The following WDR44 variants were observed in gnomAD, a reference collection of about 807,000 sequenced individuals.
The protein encoded by WDR44 is WD repeat-containing protein 44.
Under a neutral mutation model 65.7 loss-of-function variants are expected in WDR44, and 9 were observed. The observed-to-expected ratio is 0.14, with a 90% CI of 0.08 to 0.24. The LOEUF is 0.24. WDR44 is among the 10% of genes least tolerant of loss of function. The probability of loss-of-function intolerance (pLI) is 1.00; values close to 1 mark genes in which losing one functional copy is unlikely to be tolerated. For synonymous variants in WDR44, 220 were observed against 235.2 expected (o/e 0.94, Z 0.59); for missense variants, 425 against 670.9 (o/e 0.63, Z 4.05).
At chrX:118,378,484 A>G in intron 2 of WDR44, 32 bp downstream of exon 2, 2 of 1,168,111 alleles carry the variant, frequency 1.7e-6, no homozygotes, top group Non-Finnish European at 2.3e-6. Flanking sequence ...TTATGTTTTT[A>G]GAAATTGTAT....
chrX:118,354,756 C>T (rs1212932222), intron 1 of WDR44, among the ~76,000 whole-genome samples: 5 of 111,955 alleles, frequency 4.5e-5, no homozygotes, highest in Non-Finnish European at 9.4e-5. Context: ...CTATCTATAT[C>T]TGTATAAAAC....
At chrX:118,373,542 A>G (rs774574375) in intron 1 of WDR44, among the ~76,000 whole-genome samples, 5 of 112,233 alleles carry the variant, frequency 4.5e-5, no homozygotes, top group African/African-American at 6.5e-5. Flanking sequence ...GCAGGTCAGG[A>G]TTCAGAGCCT....
intron 1 of WDR44, among the ~76,000 whole-genome samples, chrX:118,354,270 T>C (rs2056439603): frequency 9.1e-6 from 1 of 109,752 alleles, no homozygotes; most frequent in South Asian, 3.9e-4. Context: ...TTTTAAAAAT[T>C]AGTTGGACAT....
chrX:118,416,865 G>A (rs2057061765), intron 12 of WDR44, among the ~76,000 whole-genome samples: 1 of 111,343 alleles, frequency 9.0e-6, no homozygotes, highest in Non-Finnish European at 1.9e-5. Context: ...AAATTTGGGA[G>A]CTCCAGTCTT....
At chrX:118,442,033 C>T (rs1184861683) in intron 15 of WDR44, among the ~76,000 whole-genome samples, 3 of 112,027 alleles carry the variant, frequency 2.7e-5, no homozygotes, top group Non-Finnish European at 3.8e-5. Context: ...TGAGCCACCA[C>T]GCCCAAGCAA....
chrX:118,448,258 C>T (rs920365016), intron 19 of WDR44, among the ~76,000 whole-genome samples: 13 of 111,462 alleles, frequency 1.2e-4, no homozygotes, highest in African/African-American at 4.2e-4. Context: ...TCAGTTTTCA[C>T]CTATGTATAA....
intron 14 of WDR44, among the ~76,000 whole-genome samples, chrX:118,438,291 T>G (rs775440203): frequency 8.9e-6 from 1 of 112,292 alleles, no homozygotes; most frequent in African/African-American, 3.2e-5. Flanking sequence ...AACAAAAGGA[T>G]GGATTTACCC....
chrX:118,346,765 T>TCAGC (rs1414319391), intron 1 of WDR44, among the ~76,000 whole-genome samples, 185 bp downstream of exon 1: 2 of 109,002 alleles, frequency 1.8e-5, no homozygotes, highest in Admixed American at 1.9e-4. Context: ...GAAGGGGGAG[T>TCAGC]CAGCCACCTC....
chrX:118,413,524 T>A (rs981062999), intron 12 of WDR44, among the ~76,000 whole-genome samples: 2 of 111,949 alleles, frequency 1.8e-5, no homozygotes, highest in Admixed American at 9.5e-5. Context: ...GCCCACTTTT[T>A]GATGGACTGT....
chrX:118,352,002 G>C (rs188399621), intron 1 of WDR44, among the ~76,000 whole-genome samples: 9 of 109,362 alleles, frequency 8.2e-5, no homozygotes, highest in Non-Finnish European at 1.7e-4. Context: ...GGTAACTCAT[G>C]GGGGTAGGAT....
intron 19 of WDR44, among the ~76,000 whole-genome samples, chrX:118,446,654 G>A (rs918265839): frequency 8.1e-5 from 9 of 111,285 alleles, no homozygotes; most frequent in African/African-American, 2.9e-4. Flanking sequence ...TTTTCCTTCT[G>A]TCTGTGAAGA....
intron 1 of WDR44, among the ~76,000 whole-genome samples, chrX:118,373,277 T>G (rs1409726951): frequency 9.0e-6 from 1 of 111,054 alleles, no homozygotes; most frequent in East Asian, 2.8e-4. Context: ...GCGTGATAAT[T>G]AAGAAGGACA....
At chrX:118,366,326 A>G (rs960553196) in intron 1 of WDR44, among the ~76,000 whole-genome samples, 8 of 111,632 alleles carry the variant, frequency 7.2e-5, no homozygotes, top group Non-Finnish European at 5.6e-5. Flanking sequence ...TCTGAGTGCC[A>G]GCCTTTCTGA....
rs778329364 is a variant in WDR44 at position 118,392,969 on chromosome X, T to C, written c.524T>C (p.Val175Ala). 7 of 1,210,338 alleles carry C rather than the reference T, an allele frequency of 5.8e-6. No homozygotes were observed. In the African/African-American group the frequency reaches 1.2e-4, roughly 21 times the overall value. ...QLNVLETETE[V>A]LNKEAVEVKG... The stretch of plus-strand genomic sequence containing the variant: ...AATGTGCTTGAAACTGAAACAGAAG[T>C]ATTGAACAAGGAAGCAGTGGAAGTC... The change falls in exon 4 of 20, where the codon GTA (valine) becomes GCA (alanine). Residue 175 changes from valine to alanine, a missense_variant. Transcript: ENST00000254029.
chrX:118,407,935 C>T (rs1438379647), intron 10 of WDR44, among the ~76,000 whole-genome samples: 1 of 110,969 alleles, frequency 9.0e-6, no homozygotes, highest in Non-Finnish European at 1.9e-5. Context: ...AATGAAGCAA[C>T]CATAAATATA....
intron 14 of WDR44, among the ~76,000 whole-genome samples, chrX:118,438,241 G>A (rs969916393): frequency 9.1e-6 from 1 of 110,477 alleles, no homozygotes; most frequent in African/African-American, 3.3e-5. Flanking sequence ...TTAGAGTCCT[G>A]TTTCTGAATA....
intron 12 of WDR44, among the ~76,000 whole-genome samples, chrX:118,427,293 C>T (rs1422589311): frequency 5.1e-5 from 5 of 98,363 alleles, no homozygotes; most frequent in African/African-American, 1.1e-4. Flanking sequence ...TTTTTGGGGA[C>T]GGAGTCTTGC....
At chrX:118,347,014 A>G (rs1357941219) in intron 1 of WDR44, among the ~76,000 whole-genome samples, 1 of 111,887 alleles carries the variant, frequency 8.9e-6, no homozygotes, top group African/African-American at 3.3e-5. Flanking sequence ...GTTTACCGCT[A>G]ACTTACCTAT....
chrX:118,448,616 C>G (rs1242059227), intron 19 of WDR44, among the ~76,000 whole-genome samples: 1 of 111,548 alleles, frequency 9.0e-6, no homozygotes, highest in African/African-American at 3.3e-5. Flanking sequence ...CCTAGGCTGC[C>G]TAGGAATAGG....
Sources: allele counts gnomAD v4.1 joint callset (sites outside exome capture counted in the v4.1 genomes callset), GRCh38; gene constraint gnomAD v4.1.1; transcripts MANE v1.5; gene names NCBI Gene and HGNC (gene_info 2026-07-23, HGNC 2026-07-21).